Variants in ZSCAN32 observed in about 807,000 individuals in gnomAD.
ZSCAN32 encodes the protein zinc finger and SCAN domain-containing protein 32.
Under a neutral mutation model 47.4 loss-of-function variants are expected in ZSCAN32, and 52 were observed. The observed-to-expected ratio is 1.10, with a 90% CI of 0.88 to 1.38. The LOEUF (loss-of-function observed/expected upper bound fraction) is 1.38. Among genes scored for constraint, ZSCAN32 ranks in the 40% most tolerant of loss-of-function variants. The pLI is 0.00. For synonymous variants in ZSCAN32, 346 were observed against 305.7 expected (o/e 1.13, Z -1.38); for missense variants, 959 against 846.0 (o/e 1.13, Z -1.66).
chr16:3,398,841 G>C (rs2150911780), intron 1 of ZSCAN32, among the ~76,000 whole-genome samples: 2 of 152,248 alleles, frequency 1.3e-5, no homozygotes, highest in Admixed American at 1.3e-4. Context: ...ACACAACGTG[G>C]ATAAGTGACT....
chr16:3,386,938 TAAAAA>T (rs34104039), intron 5 of ZSCAN32, among the ~76,000 whole-genome samples: 2 of 141,202 alleles, frequency 1.4e-5, no homozygotes, highest in Admixed American at 7.0e-5. Context: ...GCTTAAAGTA[TAAAAA>T]AAAAAAAAAA....
At chr16:3,393,556 C>G (rs2033068405) in intron 3 of ZSCAN32, 93 bp downstream of exon 3, 1 of 1,299,734 alleles carries the variant, frequency 7.7e-7, no homozygotes, top group Non-Finnish European at 1.0e-6. Flanking sequence ...GGCATTTAGT[C>G]TGGAACCCTT....
Position 3,382,844 on chromosome 16 carries a change from C to G in ZSCAN32, c.*8G>C, listed in dbSNP as rs144529036. The G allele has an allele frequency of 6.5e-7, 1 of 1,542,800 alleles. No individual in the cohort carries two copies. The highest frequency in any genetic ancestry group is 2.0e-5 in the Admixed American group (1 of 50,500). ...TGAGGAACTTAATCTGACAGTTTAC[C>G]GACACACTCATAACGCATCTCTTCC... On this transcript the variant is annotated 3_prime_UTR_variant, in exon 7 of 7. Coordinates refer to ENST00000396852, the MANE Select transcript of ZSCAN32 (RefSeq NM_001284527.2).
In ZSCAN32 at chr16:3,397,506, G is replaced by A; in HGVS notation, c.52C>T (p.Pro18Ser). The A allele has an allele frequency of 6.5e-7, 1 of 1,550,220 alleles. No individual in the cohort carries two copies. Among genetic ancestry groups the A allele is most frequent in the Middle Eastern group, 1.7e-4 (1 of 5,990 alleles). The change falls in exon 2 of 7, where the codon CCC becomes TCC. Residue 18 changes from proline (P) to serine (S), a missense_variant. Coordinates refer to ENST00000396852, the MANE Select transcript of ZSCAN32 (RefSeq NM_001284527.2). ...TEAHPSSNKD[P>S]TQGQKSALQG... ...AGGGCTGATTTCTGGCCCTGTGTGGGATCCTTGTTTGAGGATGGGTGTGCC... is the reference window on the plus strand; with the variant it reads ...AGGGCTGATTTCTGGCCCTGTGTGGAATCCTTGTTTGAGGATGGGTGTGCC...
At chr16:3,383,802 T>C (rs1199590784) in intron 6 of ZSCAN32, 91 bp from the exon 7 acceptor site, 2 of 1,286,198 alleles carry the variant, frequency 1.6e-6, no homozygotes, top group African/African-American at 1.5e-5. Flanking sequence ...GTAGAAGAAA[T>C]ATCTAATTGA....
intron 2 of ZSCAN32, among the ~76,000 whole-genome samples, chr16:3,396,636 T>C (rs1258922701): frequency 6.6e-6 from 1 of 152,200 alleles, no homozygotes; most frequent in Non-Finnish European, 1.5e-5. Flanking sequence ...TCCTGTGCCT[T>C]TCCCACCTCC....
rs2031372546 is a variant in ZSCAN32, at chr16:3,382,806, A to G, written c.*46T>C. On this transcript the variant is annotated 3_prime_UTR_variant, in exon 7 of 7. Transcript: ENST00000396852. ...ATCTCTCCACAGCAGAAGAAAGCTCATACATGCTGACCTGAGGAACTTAAT... is the reference window on the plus strand; with the variant it reads ...ATCTCTCCACAGCAGAAGAAAGCTCGTACATGCTGACCTGAGGAACTTAAT... 2.0e-6 allele frequency: 3 copies of G among 1,523,652 alleles called. No individual in the cohort carries two copies. Among genetic ancestry groups the G allele is most frequent in the Admixed American group, 4.3e-5 (2 of 46,454 alleles). The allele number at this position is 1,523,652 out of a possible 1,614,324, so 94.4% of individuals were successfully genotyped here.
At chr16:3,393,884 G>T in intron 2 of ZSCAN32, 70 bp from the exon 3 acceptor site, 1 of 1,333,354 alleles carries the variant, frequency 7.5e-7, no homozygotes, top group East Asian at 2.7e-5. Context: ...TCCTAAGAGT[G>T]GCATTAAAAA....
In ZSCAN32 at chr16:3,393,802, C is replaced by T. The variant is rs1318054909; in HGVS notation, c.379G>A (p.Glu127Lys). The T allele has an allele frequency of 5.2e-6, 8 of 1,549,212 alleles. No homozygotes were observed. The African/African-American group carries it at 6.8e-5, about 13-fold the overall frequency. The part of the protein sequence containing the change: ...RAPGQQVLDS[E>K]KDLKVLMKEM... ...TTCATGAGTACTTTCAAGTCCTTCT[C>T]AGAATCTAGAACCTGAGAACAGACC... Residue 127 changes from glutamate to lysine, a missense_variant, in exon 3 of 7, where the codon GAG becomes AAG. Physicochemically the swap from Glu to Lys is moderately conservative, Grantham distance 56. Coordinates refer to ENST00000396852, the MANE Select transcript of ZSCAN32 (RefSeq NM_001284527.2).
chr16:3,386,795 G>A (rs1180648898), intron 5 of ZSCAN32, among the ~76,000 whole-genome samples: 1 of 152,114 alleles, frequency 6.6e-6, no homozygotes, highest in African/African-American at 2.4e-5. Context: ...CTGTTGTGGG[G>A]TGGGGAGAGA....
In ZSCAN32 at chr16:3,397,318, C is replaced by T. The variant is rs1240892624; in HGVS notation, c.240G>A (p.Leu80=). 1.9e-6 allele frequency: 3 copies of T among 1,569,358 alleles called. No individual in the cohort carries two copies. Among genetic ancestry groups the T allele is most frequent in the East Asian group, 2.3e-5 (1 of 42,740 alleles). Residue 80 remains leucine, a synonymous_variant, in exon 2 of 7, where the codon CTG becomes CTA. Coordinates refer to ENST00000396852, the MANE Select transcript of ZSCAN32 (RefSeq NM_001284527.2). Reference sequence around the variant, plus strand: ...AGATAGTCAGAAACTGCTCCAAAACCAGCAGCTCCAGGATTTCCTCTTTTG... The same window carrying T: ...AGATAGTCAGAAACTGCTCCAAAACTAGCAGCTCCAGGATTTCCTCTTTTG... The part of the protein sequence containing the change: ...THSKEEILEL[L]VLEQFLTILP...
chr16:3,389,867 G>T, intron 5 of ZSCAN32, 143 bp downstream of exon 5: 1 of 806,600 alleles, frequency 1.2e-6, no homozygotes, highest in Non-Finnish European at 1.9e-6. Flanking sequence ...TCTCTGGCCT[G>T]CTCTGGTTCC....
chr16:3,398,050 G>T (rs944019534), intron 1 of ZSCAN32, among the ~76,000 whole-genome samples: 2 of 152,178 alleles, frequency 1.3e-5, no homozygotes, highest in Non-Finnish European at 2.9e-5. Context: ...TTTATAGTTT[G>T]AATGATAATA....
intron 2 of ZSCAN32, among the ~76,000 whole-genome samples, chr16:3,394,214 C>G (rs1043863644): frequency 1.3e-5 from 2 of 152,034 alleles, no homozygotes; most frequent in African/African-American, 4.8e-5. Context: ...TGCAGTGATC[C>G]AAGATCACGC....
At chr16:3,397,833 T>TGATACGGCGA in intron 1 of ZSCAN32, 89 bp from the exon 2 acceptor site, 5 of 258,630 alleles carry the variant, frequency 1.9e-5, no homozygotes, top group South Asian at 2.1e-4. Flanking sequence ...TTTCCTTTAC[T>TGATACGGCGA]CCCTCCACAA....
At chr16:3,391,065 A>G (rs2032634373) in intron 3 of ZSCAN32, among the ~76,000 whole-genome samples, 1 of 152,240 alleles carries the variant, frequency 6.6e-6, no homozygotes, top group South Asian at 2.1e-4. Context: ...AAAATACAGG[A>G]AAATTAAAAA....
chr16:3,398,189 C>G (rs1022652663), intron 1 of ZSCAN32, among the ~76,000 whole-genome samples: 23 of 152,156 alleles, frequency 1.5e-4, no homozygotes, highest in African/African-American at 5.6e-4. Context: ...ACAAGATTTG[C>G]AACTTCCCCA....
In ZSCAN32 at chr16:3,383,546, T is replaced by C. The variant is rs2031525806; in HGVS notation, c.1400A>G (p.Asn467Ser). 1.9e-6 allele frequency: 3 copies of C among 1,614,148 alleles called. No individual in the cohort carries two copies. Among genetic ancestry groups the C allele is most frequent in the Non-Finnish European group, 1.7e-6 (2 of 1,180,044 alleles). Residue 467 changes from asparagine to serine, a missense_variant, in exon 7 of 7, where the codon AAT (asparagine) becomes AGT (serine). By Grantham distance (46) the Asn-to-Ser change is conservative. Transcript: ENST00000396852. The stretch of plus-strand genomic sequence containing the variant: ...TTTCTCCTCACTCTCCCCTGGAGAA[T>C]TTCTACATTGCCTTCTTGATGTTGG... ...SEPTSRRQCR[N>S]SPGESEEKTP...
At chr16:3,384,993 C>A in intron 5 of ZSCAN32, 52 bp from the exon 6 acceptor site, 1 of 1,563,826 alleles carries the variant, frequency 6.4e-7, no homozygotes, top group Admixed American at 1.8e-5. Flanking sequence ...TCATGGAGGA[C>A]TGTACATACT....
Sources: allele counts gnomAD v4.1 joint callset (sites outside exome capture counted in the v4.1 genomes callset), GRCh38; gene constraint gnomAD v4.1.1; transcripts MANE v1.5; gene names NCBI Gene and HGNC (gene_info 2026-07-23, HGNC 2026-07-21).